EHBP1: variants seen among roughly 807,000 people sequenced by gnomAD.
The protein encoded by EHBP1 is EH domain-binding protein 1.
A neutral mutation model predicts 144.0 loss-of-function variants in EHBP1; 55 were observed. That is an observed-to-expected ratio of 0.38 (90% CI 0.31 to 0.48). The LOEUF is 0.48. Ranked by LOEUF, EHBP1 falls within the 20% of genes least tolerant of loss-of-function variation. EHBP1 has a pLI of 0.98. For synonymous variants in EHBP1, 469 were observed against 472.7 expected, an observed-to-expected ratio of 0.99 and a Z score of 0.10; for missense variants, 1,200 against 1,364.2, an observed-to-expected ratio of 0.88 and a Z score of 1.90.
chr2:62,979,467 A>G (rs1358922916), intron 15 of EHBP1, 132 bp downstream of exon 15: 4 of 917,458 alleles, frequency 4.4e-6, no homozygotes, highest in Non-Finnish European at 6.2e-6. Context: ...TATGTTGCAA[A>G]ACACCTAAAG....
chr2:62,903,316 G>T (rs150029558), intron 10 of EHBP1, among the ~76,000 whole-genome samples: 248 of 152,146 alleles, frequency 1.6e-3, no homozygotes, highest in African/African-American at 5.9e-3. Flanking sequence ...CTATCAGTGT[G>T]AATCTATATG....
chr2:62,978,919 T>A (rs2058834873), intron 14 of EHBP1, among the ~76,000 whole-genome samples: 1 of 152,236 alleles, frequency 6.6e-6, no homozygotes, highest in Non-Finnish European at 1.5e-5. Context: ...TAATAATTTC[T>A]GATATTTTCT....
intron 2 of EHBP1, among the ~76,000 whole-genome samples, chr2:62,710,811 G>T (rs1233805204): frequency 1.3e-5 from 2 of 152,170 alleles, no homozygotes; most frequent in African/African-American, 4.8e-5. Flanking sequence ...ACATTAAGAA[G>T]ACTACATGCA....
intron 13 of EHBP1, among the ~76,000 whole-genome samples, chr2:62,951,570 G>C (rs2057395402): frequency 6.8e-6 from 1 of 146,034 alleles, no homozygotes; most frequent in Non-Finnish European, 1.5e-5. Flanking sequence ...TGTCACCCAG[G>C]CTAGAGTGCA....
Position 62,898,236 on chromosome 2 carries a change from A to T in EHBP1, c.1185+23704A>T, listed in dbSNP as rs145788621. 1.1e-3 allele frequency among the ~76,000 whole-genome samples: 162 copies of T among 152,298 alleles called. 1 individual carries two copies. The highest frequency in any genetic ancestry group is 6.8e-3 in the Middle Eastern group (2 of 294). Reference sequence around the variant, plus strand: ...CCAGCAAGACTTCCAGTTCCAAAAGATACTTGGGAGATCTTTCTACTGCAA... The same window carrying T: ...CCAGCAAGACTTCCAGTTCCAAAAGTTACTTGGGAGATCTTTCTACTGCAA... On this transcript the variant is annotated intron_variant, in intron 10 of 22. Transcript: ENST00000431489.
intron 7 of EHBP1, among the ~76,000 whole-genome samples, chr2:62,851,289 C>G (rs1410945406): frequency 6.6e-6 from 1 of 152,106 alleles, no homozygotes; most frequent in Non-Finnish European, 1.5e-5. Context: ...AGCTGCCAGC[C>G]CCATCTAATT....
chr2:62,813,867 G>T (rs2045245974), intron 5 of EHBP1, among the ~76,000 whole-genome samples: 2 of 152,162 alleles, frequency 1.3e-5, no homozygotes, highest in South Asian at 4.1e-4. Context: ...TATTTTGGAA[G>T]TAGATGACTG....
chr2:62,807,435 C>A (rs1361656737), intron 5 of EHBP1, among the ~76,000 whole-genome samples: 2 of 152,168 alleles, frequency 1.3e-5, no homozygotes, highest in Non-Finnish European at 2.9e-5. Flanking sequence ...GTAATCCCAG[C>A]TACTTGGGAG....
At position 62,936,217 on chromosome 2, in the gene EHBP1, G is replaced by C. The variant is rs1328569915; in HGVS notation, c.1186-6501G>C. Among the ~76,000 whole-genome samples the C allele has an allele frequency of 3.9e-5, 6 of 152,160 alleles. No individual in the cohort carries two copies. The East Asian group carries it at 5.8e-4, about 15-fold the overall frequency. On this transcript the variant is annotated intron_variant, in intron 10 of 22. Coordinates refer to ENST00000431489, the MANE Select transcript of EHBP1 (RefSeq NM_001142616.3). ...AATAAATGTTTGGTGGAACTTATTA[G>C]TGAAGCCAACTGGAATATTCTTTGT...
intron 13 of EHBP1, among the ~76,000 whole-genome samples, chr2:62,951,205 A>G (rs974907389): frequency 1.3e-5 from 2 of 152,192 alleles, no homozygotes; most frequent in South Asian, 2.1e-4. Context: ...ATATCAAACA[A>G]TATACGTATA....
At chr2:63,035,480 C>A (rs990854482) in intron 19 of EHBP1, among the ~76,000 whole-genome samples, 24 of 151,944 alleles carry the variant, frequency 1.6e-4, no homozygotes, top group African/African-American at 5.6e-4. Context: ...AACACAGTAC[C>A]ACATCAATAT....
chr2:62,917,474 G>A lies in EHBP1; in HGVS notation c.1186-25244G>A, dbSNP rs754831509. 1.1e-4 allele frequency among the ~76,000 whole-genome samples: 17 copies of A among 152,034 alleles called. No individual in the cohort carries two copies. In the South Asian group the frequency reaches 2.3e-3, roughly 20 times the overall value. On this transcript the variant is annotated intron_variant, in intron 10 of 22. Coordinates refer to ENST00000431489, the MANE Select transcript of EHBP1 (RefSeq NM_001142616.3). ...TGCACACAGATGCACATGTGTGTGC[G>A]CACACACACATTTTAAGGAAAACAT...
intron 2 of EHBP1, among the ~76,000 whole-genome samples, chr2:62,725,797 G>T (rs945765123): frequency 2.0e-5 from 3 of 152,162 alleles, no homozygotes; most frequent in Admixed American, 1.3e-4. Context: ...AAAGCGATGT[G>T]GGGGGTTGTC....
chr2:62,799,053 T>C (rs1351158723), intron 5 of EHBP1, among the ~76,000 whole-genome samples: 1 of 147,472 alleles, frequency 6.8e-6, no homozygotes, highest in Non-Finnish European at 1.5e-5. Context: ...AAATGTCACA[T>C]GGTGTCTCTA....
At chr2:62,727,466 G>T (rs978513557) in intron 2 of EHBP1, among the ~76,000 whole-genome samples, 1 of 151,880 alleles carries the variant, frequency 6.6e-6, no homozygotes, top group Non-Finnish European at 1.5e-5. Context: ...CAGTCACTCC[G>T]TATTCCTCTG....
At chr2:62,797,468 G>C (rs998259102) in intron 5 of EHBP1, among the ~76,000 whole-genome samples, 3 of 152,176 alleles carry the variant, frequency 2.0e-5, no homozygotes, top group African/African-American at 7.2e-5. Flanking sequence ...GTCTATTTAA[G>C]GCTTTAGTTC....
intron 3 of EHBP1, among the ~76,000 whole-genome samples, chr2:62,754,731 C>G (rs1386982143): frequency 6.6e-6 from 1 of 152,224 alleles, no homozygotes. Flanking sequence ...GCAGTTCAAT[C>G]TCCGACTGCT....
chr2:62,860,870 A>ATTATACC (rs2049468298), intron 8 of EHBP1, among the ~76,000 whole-genome samples: 1 of 152,178 alleles, frequency 6.6e-6, no homozygotes, highest in African/African-American at 2.4e-5. Flanking sequence ...AGAATCTTTA[A>ATTATACC]TTATACCTGT....
intron 19 of EHBP1, among the ~76,000 whole-genome samples, chr2:62,997,170 C>G (rs1198457124): frequency 6.6e-6 from 1 of 152,016 alleles, no homozygotes; most frequent in Non-Finnish European, 1.5e-5. Flanking sequence ...GCTCCATGGA[C>G]TAGATCACTG....
Sources: gnomAD v4.1 joint callset for allele counts (sites outside exome capture counted in the v4.1 genomes callset) on GRCh38, gnomAD v4.1.1 for gene constraint, MANE v1.5 for transcripts, NCBI Gene and HGNC (gene_info 2026-07-23, HGNC 2026-07-21) for gene names.